INTS4: variants seen among roughly 807,000 people sequenced by gnomAD.
INTS4 encodes the protein integrator complex subunit 4.
INTS4 carries 70 observed loss-of-function variants against 119.5 expected under a neutral mutation model. The ratio of observed to expected loss-of-function variants is 0.59; its 90% CI spans 0.48 to 0.71. INTS4 has a LOEUF of 0.71. INTS4 is among the 30% of genes least tolerant of loss of function. INTS4 has a pLI of 0.00. For synonymous variants in INTS4, 316 were observed against 419.6 expected (o/e 0.75, Z 3.02); for missense variants, 867 against 1,173.2 (o/e 0.74, Z 3.81).
At chr11:77,895,984 G>T (rs1591023406) in intron 18 of INTS4, among the ~76,000 whole-genome samples, 1 of 152,290 alleles carries the variant, frequency 6.6e-6, no homozygotes, top group African/African-American at 2.4e-5. Flanking sequence ...GACTTTCATT[G>T]TAAGTAGGCA....
chr11:77,976,527 A>G (rs1440164833), intron 4 of INTS4, among the ~76,000 whole-genome samples: 1 of 152,194 alleles, frequency 6.6e-6, no homozygotes, highest in Non-Finnish European at 1.5e-5. Context: ...TATTCTTCTC[A>G]GGGATCTAGA....
intron 15 of INTS4, among the ~76,000 whole-genome samples, chr11:77,917,189 A>C (rs1183808286): frequency 6.6e-6 from 1 of 152,190 alleles, no homozygotes; most frequent in Non-Finnish European, 1.5e-5. Flanking sequence ...CTTGTTTCTT[A>C]GTGTATGGAA....
At chr11:77,927,254 G>A (rs1237878736) in intron 11 of INTS4, among the ~76,000 whole-genome samples, 1 of 152,162 alleles carries the variant, frequency 6.6e-6, no homozygotes, top group Non-Finnish European at 1.5e-5. Flanking sequence ...ACCGCACATA[G>A]AATGTAAACT....
At chr11:77,904,319 ATAATTT>A (rs1439538000) in intron 16 of INTS4, among the ~76,000 whole-genome samples, 1 of 152,258 alleles carries the variant, frequency 6.6e-6, no homozygotes, top group East Asian at 1.9e-4. Flanking sequence ...TGAGCTATAT[ATAATTT>A]TAAATATTCT....
chr11:77,964,290 G>A (rs181190480), intron 4 of INTS4, among the ~76,000 whole-genome samples: 3 of 152,026 alleles, frequency 2.0e-5, no homozygotes, highest in East Asian at 3.9e-4. Context: ...ATTATTGGCC[G>A]GGTGCAGTGG....
intron 2 of INTS4, among the ~76,000 whole-genome samples, chr11:77,984,214 C>CTGT (rs1856365408): frequency 6.6e-6 from 1 of 151,928 alleles, no homozygotes; most frequent in Non-Finnish European, 1.5e-5. Flanking sequence ...AGAATGAGAC[C>CTGT]GGGCACAGTG....
At chr11:77,944,085 T>C (rs191515740) in intron 8 of INTS4, among the ~76,000 whole-genome samples, 9 of 152,338 alleles carry the variant, frequency 5.9e-5, no homozygotes, top group Admixed American at 3.3e-4. Flanking sequence ...TCAAGTTTCT[T>C]TGCCCCACAA....
chr11:77,931,862 G>A (rs963700355), intron 10 of INTS4, among the ~76,000 whole-genome samples: 10 of 152,124 alleles, frequency 6.6e-5, no homozygotes, highest in African/African-American at 2.4e-4. Flanking sequence ...TTTAATAAAT[G>A]GTGTTAGGAA....
chr11:77,976,522 T>C (rs1855958306), intron 4 of INTS4, among the ~76,000 whole-genome samples: 1 of 152,156 alleles, frequency 6.6e-6, no homozygotes, highest in South Asian at 2.1e-4. Context: ...GACTCTATTC[T>C]TCTCAGGGAT....
intron 4 of INTS4, chr11:77,963,383 A>G (rs924353935): frequency 2.5e-6 from 1 of 394,756 alleles, no homozygotes; most frequent in Non-Finnish European, 4.8e-6. Flanking sequence ...AACAAAAAAA[A>G]CTGCTTTTCT....
chr11:77,921,210 G>A, intron 14 of INTS4, 130 bp downstream of exon 14: 1 of 758,772 alleles, frequency 1.3e-6, no homozygotes, highest in Non-Finnish European at 2.2e-6. Flanking sequence ...CCAGGAGGAT[G>A]GCTTAAGCCC....
intron 10 of INTS4, among the ~76,000 whole-genome samples, chr11:77,929,719 A>T (rs1227221967): frequency 1.3e-5 from 2 of 152,188 alleles, no homozygotes; most frequent in African/African-American, 2.4e-5. Flanking sequence ...AACTGTAGTG[A>T]ATGATCCCTC....
intron 4 of INTS4, among the ~76,000 whole-genome samples, chr11:77,974,358 T>G (rs1423213799): frequency 6.6e-6 from 1 of 151,124 alleles, no homozygotes; most frequent in African/African-American, 2.4e-5. Flanking sequence ...TTCTCCTGCT[T>G]CAGCCTCCTG....
chr11:77,962,505 T>C (rs1855280208), intron 4 of INTS4, among the ~76,000 whole-genome samples: 1 of 152,102 alleles, frequency 6.6e-6, no homozygotes, highest in African/African-American at 2.4e-5. Context: ...TTGCATAACA[T>C]AGCAACATAA....
chr11:77,899,354 A>AG (rs1555021486), intron 18 of INTS4, among the ~76,000 whole-genome samples: 2 of 152,124 alleles, frequency 1.3e-5, no homozygotes, highest in Non-Finnish European at 2.9e-5. Flanking sequence ...AAGAAAAAAA[A>AG]GAAAAAAGCA....
At chr11:77,968,299 CAT>C (rs1346765372) in intron 4 of INTS4, among the ~76,000 whole-genome samples, 1 of 152,080 alleles carries the variant, frequency 6.6e-6, no homozygotes, top group African/African-American at 2.4e-5. Flanking sequence ...TTAAATGGTA[CAT>C]TATTCAGCTG....
chr11:77,992,261 G>C (rs566478863), intron 1 of INTS4, among the ~76,000 whole-genome samples: 47 of 151,744 alleles, frequency 3.1e-4, no homozygotes, highest in African/African-American at 1.1e-3. Context: ...AGCTGGGGGT[G>C]GTGGTGTATG....
intron 3 of INTS4, among the ~76,000 whole-genome samples, chr11:77,980,521 G>A (rs1856163363): frequency 6.6e-6 from 1 of 152,092 alleles, no homozygotes; most frequent in Non-Finnish European, 1.5e-5. Flanking sequence ...CTGGGATAAA[G>A]GTGTGAGCAA....
At chr11:77,876,402 C>T (rs1044182315), downstream of INTS4, among the ~76,000 whole-genome samples, 14 of 145,002 alleles carry the variant, frequency 9.7e-5, no homozygotes, top group East Asian at 2.6e-3. Flanking sequence ...ATAAAAAGGT[C>T]TTTTTTTTTT....
Sources: gnomAD v4.1 joint callset for allele counts (sites outside exome capture counted in the v4.1 genomes callset) on GRCh38, gnomAD v4.1.1 for gene constraint, MANE v1.5 for transcripts, NCBI Gene and HGNC (gene_info 2026-07-23, HGNC 2026-07-21) for gene names.